CFAP54: variants seen among roughly 807,000 people sequenced by gnomAD.
CFAP54 encodes the protein cilia- and flagella-associated protein 54.
Under a neutral mutation model 370.4 loss-of-function variants are expected in CFAP54, and 290 were observed. The ratio of observed to expected loss-of-function variants is 0.78; its 90% CI spans 0.71 to 0.86. The LOEUF is 0.86. Among genes scored for constraint, CFAP54 ranks in the 40% least tolerant of loss-of-function variants. The pLI is 0.00. For synonymous variants in CFAP54, 1,206 were observed against 1,236.5 expected, an observed-to-expected ratio of 0.98 and a Z score of 0.52; for missense variants, 3,399 against 3,528.7, an observed-to-expected ratio of 0.96 and a Z score of 0.93.
intron 33 of CFAP54, chr12:96,645,314 C>T (rs1351296221): frequency 1.2e-5 from 4 of 337,384 alleles, no homozygotes; most frequent in African/African-American, 8.6e-5. Flanking sequence ...AACAGACAAA[C>T]AAAGAGCCAA....
intron 5 of CFAP54, among the ~76,000 whole-genome samples, chr12:96,514,319 T>A (rs1955206987): frequency 1.3e-5 from 2 of 152,252 alleles, no homozygotes; most frequent in African/African-American, 4.8e-5. Context: ...GCATGCTCAA[T>A]GGATAACATT....
intron 36 of CFAP54, among the ~76,000 whole-genome samples, chr12:96,655,747 T>C (rs1956914724): frequency 6.6e-6 from 1 of 152,026 alleles, no homozygotes; most frequent in South Asian, 2.1e-4. Flanking sequence ...CCAATTACAA[T>C]GTTTGGACCT....
At chr12:96,618,350 G>A (rs991458865) in intron 26 of CFAP54, among the ~76,000 whole-genome samples, 15 of 152,172 alleles carry the variant, frequency 9.9e-5, no homozygotes, top group African/African-American at 3.1e-4. Flanking sequence ...CTTAAGAGAG[G>A]TGGTGTGAGG....
intron 62 of CFAP54, among the ~76,000 whole-genome samples, chr12:96,787,466 A>AT (rs1295800806): frequency 1.3e-5 from 2 of 152,272 alleles, no homozygotes; most frequent in Non-Finnish European, 2.9e-5. Context: ...TTGTAGAGAC[A>AT]TAAAAAGAGG....
At chr12:96,825,746 CATAATA>C (rs1057426379) in intron 65 of CFAP54, among the ~76,000 whole-genome samples, 1 of 123,964 alleles carries the variant, frequency 8.1e-6, no homozygotes, top group Non-Finnish European at 1.6e-5. Flanking sequence ...TATCACATTA[CATAATA>C]ATATGTATCA....
intron 25 of CFAP54, among the ~76,000 whole-genome samples, chr12:96,597,299 C>T (rs928550674): frequency 6.6e-6 from 1 of 151,948 alleles, no homozygotes; most frequent in South Asian, 2.1e-4. Flanking sequence ...CCTCTTGGTT[C>T]CTGGACCTGA....
chr12:96,621,165 T>G (rs996536185), intron 26 of CFAP54, among the ~76,000 whole-genome samples: 2 of 152,222 alleles, frequency 1.3e-5, no homozygotes, highest in African/African-American at 4.8e-5. Flanking sequence ...AAATGCTCCT[T>G]AAGACATCAT....
intron 32 of CFAP54, among the ~76,000 whole-genome samples, chr12:96,632,603 T>C (rs567516704): frequency 3.2e-4 from 49 of 152,016 alleles, no homozygotes; most frequent in South Asian, 6.2e-4. Context: ...ATTAACTTAT[T>C]CCTGAGTCAA....
intron 63 of CFAP54, among the ~76,000 whole-genome samples, chr12:96,808,286 C>T (rs1958900874): frequency 6.6e-6 from 1 of 152,076 alleles, no homozygotes; most frequent in Non-Finnish European, 1.5e-5. Context: ...GAGTCCCATT[C>T]GTCACTCTAT....
chr12:96,628,084 A>G (rs1956565940), intron 30 of CFAP54, among the ~76,000 whole-genome samples: 2 of 152,222 alleles, frequency 1.3e-5, no homozygotes, highest in Admixed American at 1.3e-4. Flanking sequence ...GCTGTACTAT[A>G]TCACGAAGAT....
chr12:96,762,447 A>T (rs1958349803), intron 58 of CFAP54, among the ~76,000 whole-genome samples: 1 of 152,174 alleles, frequency 6.6e-6, no homozygotes, highest in Non-Finnish European at 1.5e-5. Flanking sequence ...CATAACCTAG[A>T]ATCTCCTGTG....
intron 65 of CFAP54, among the ~76,000 whole-genome samples, chr12:96,826,569 A>T (rs1198383032): frequency 2.9e-5 from 3 of 102,890 alleles, no homozygotes; most frequent in African/African-American, 4.0e-5. Context: ...TATAATATAT[A>T]ATATAGATTA....
At chr12:96,631,422 A>G (rs1268747050) in intron 32 of CFAP54, among the ~76,000 whole-genome samples, 23 of 151,790 alleles carry the variant, frequency 1.5e-4, no homozygotes. Context: ...TGTCAACCAC[A>G]TATGTATGTA....
intron 50 of CFAP54, among the ~76,000 whole-genome samples, chr12:96,724,655 G>T (rs1957807008): frequency 6.6e-6 from 1 of 151,958 alleles, no homozygotes; most frequent in Admixed American, 6.6e-5. Flanking sequence ...AGTTTCTTTT[G>T]CTGTGCAGAA....
chr12:96,732,890 G>A lies in CFAP54; in HGVS notation c.6966-7066G>A, dbSNP rs191442797. On this transcript the variant is annotated intron_variant, in intron 50 of 67. Transcript: ENST00000524981. ...TTTTTTCCAAACTATGTGTCAGAGA[G>A]CAACAGCAGCCCTAGAAAATATTTA... is the stretch of plus-strand genomic sequence containing the variant. 2.2e-4 allele frequency among the ~76,000 whole-genome samples: 33 copies of A among 152,074 alleles called. No individual in the cohort carries two copies. The East Asian group carries it at 3.9e-3, about 18-fold the overall frequency.
At chr12:96,610,632 T>A (rs188550945) in intron 26 of CFAP54, among the ~76,000 whole-genome samples, 1 of 152,302 alleles carries the variant, frequency 6.6e-6, no homozygotes, top group East Asian at 1.9e-4. Flanking sequence ...GAATTCCGTT[T>A]CCTAGCCAAG....
In CFAP54 at chr12:96,860,025, C is replaced by T. The variant is rs180823700; in HGVS notation, c.9172-794C>T. Among the ~76,000 whole-genome samples the T allele has an allele frequency of 7.7e-3, 1,162 of 151,862 alleles. 7 individuals are homozygous for T. The highest frequency in any genetic ancestry group is 0.013 in the Non-Finnish European group (870 of 67,970). ...TGACAAAAAAGTTAACAAAAACCAGCCTCCAAATACAATATTCACATTTAG... is the reference window on the plus strand; with the variant it reads ...TGACAAAAAAGTTAACAAAAACCAGTCTCCAAATACAATATTCACATTTAG... On this transcript the variant is annotated intron_variant, in intron 66 of 67. Coordinates refer to ENST00000524981, the MANE Select transcript of CFAP54 (RefSeq NM_001306084.2).
intron 51 of CFAP54, 143 bp from the exon 52 acceptor site, chr12:96,742,296 T>C (rs1958060198): frequency 1.8e-6 from 1 of 562,134 alleles, no homozygotes; most frequent in Non-Finnish European, 3.0e-6. Context: ...TTTTATAGAA[T>C]GTGCAAGAAT....
At chr12:96,529,602 ATAAAGT>A (rs1369799952) in intron 9 of CFAP54, among the ~76,000 whole-genome samples, 1 of 152,202 alleles carries the variant, frequency 6.6e-6, no homozygotes, top group Non-Finnish European at 1.5e-5. Context: ...CTGATGACTA[ATAAAGT>A]TAAACACTTT....
Sources: allele counts gnomAD v4.1 joint callset (sites outside exome capture counted in the v4.1 genomes callset), GRCh38; gene constraint gnomAD v4.1.1; transcripts MANE v1.5; gene names NCBI Gene and HGNC (gene_info 2026-07-23, HGNC 2026-07-21).